Variants in THSD7B observed in about 807,000 individuals in gnomAD.
The protein encoded by THSD7B is thrombospondin type 1 domain containing 7B, also known as thrombospondin type-1 domain-containing protein 7B.
A neutral mutation model predicts 213.6 loss-of-function variants in THSD7B; 138 were observed. That is an observed-to-expected ratio of 0.65 (90% confidence interval 0.56 to 0.74). THSD7B has a LOEUF of 0.74. Ranked by LOEUF, THSD7B falls within the 30% of genes least tolerant of loss-of-function variation. The pLI is 0.00. For synonymous variants in THSD7B, 742 were observed against 687.0 expected, an observed-to-expected ratio of 1.08 and a Z score of -1.25; for missense variants, 1,931 against 1,991.5, an observed-to-expected ratio of 0.97 and a Z score of 0.58.
At chr2:136,816,866 C>T (rs1007292958) in intron 1 of THSD7B, among the ~76,000 whole-genome samples, 2 of 152,068 alleles carry the variant, frequency 1.3e-5, no homozygotes, top group Admixed American at 1.3e-4. Context: ...AATCTTTATT[C>T]CATTGTTTTC....
chr2:137,238,325 G>A (rs999057522), intron 9 of THSD7B, among the ~76,000 whole-genome samples: 2 of 152,050 alleles, frequency 1.3e-5, no homozygotes, highest in African/African-American at 4.8e-5. Flanking sequence ...CTCAAGTTGT[G>A]TTTTCATTCC....
At chr2:137,201,822 G>A (rs1416864262) in intron 7 of THSD7B, among the ~76,000 whole-genome samples, 1 of 152,134 alleles carries the variant, frequency 6.6e-6, no homozygotes, top group East Asian at 1.9e-4. Flanking sequence ...AGGTGGATGA[G>A]TAGCAGGATC....
intron 14 of THSD7B, among the ~76,000 whole-genome samples, chr2:137,449,158 C>T (rs890018767): frequency 6.6e-6 from 1 of 151,936 alleles, no homozygotes; most frequent in Non-Finnish European, 1.5e-5. Context: ...GAAAGGCAGG[C>T]TTGTGGAGAG....
intron 12 of THSD7B, among the ~76,000 whole-genome samples, chr2:137,334,976 T>C (rs116336580): frequency 6.6e-6 from 1 of 152,184 alleles, no homozygotes; most frequent in African/African-American, 2.4e-5. Context: ...CCTGCTGACC[T>C]GTCAAGAGGT....
chr2:137,325,939 G>A (rs1363266110), intron 12 of THSD7B, among the ~76,000 whole-genome samples: 1 of 152,192 alleles, frequency 6.6e-6, no homozygotes, highest in East Asian at 1.9e-4. Context: ...AAGGAAAAGA[G>A]ACATATCTTC....
At chr2:136,943,643 T>G (rs1684873855) in intron 2 of THSD7B, among the ~76,000 whole-genome samples, 1 of 152,250 alleles carries the variant, frequency 6.6e-6, no homozygotes, top group South Asian at 2.1e-4. Flanking sequence ...CATCCATTTC[T>G]TCTAGATTTC....
intron 12 of THSD7B, among the ~76,000 whole-genome samples, chr2:137,403,116 G>A (rs113908709): frequency 7.7e-4 from 117 of 152,104 alleles, no homozygotes; most frequent in African/African-American, 2.6e-3. Flanking sequence ...TCCCTGCGAC[G>A]TGGATAAAAA....
At chr2:137,002,532 CT>C (rs1165980598) in intron 2 of THSD7B, among the ~76,000 whole-genome samples, 2 of 152,112 alleles carry the variant, frequency 1.3e-5, no homozygotes, top group African/African-American at 4.8e-5. Context: ...GTAAGAGGCT[CT>C]TTTCCCCCTC....
At chr2:137,514,681 G>C (rs191559311) in intron 15 of THSD7B, among the ~76,000 whole-genome samples, 121 of 152,262 alleles carry the variant, frequency 7.9e-4, no homozygotes, top group African/African-American at 2.7e-3. Context: ...TGCTTAATAT[G>C]ATGAACCCAA....
chr2:137,185,607 T>C (rs942583238), intron 7 of THSD7B, among the ~76,000 whole-genome samples: 2 of 152,216 alleles, frequency 1.3e-5, no homozygotes, highest in African/African-American at 2.4e-5. Flanking sequence ...TATTCCATGA[T>C]GTATACATAC....
intron 2 of THSD7B, among the ~76,000 whole-genome samples, chr2:136,980,487 A>T (rs1685556272): frequency 1.3e-5 from 2 of 152,142 alleles, no homozygotes; most frequent in African/African-American, 4.8e-5. Flanking sequence ...CATGAGGAGG[A>T]GGAATAAATC....
At chr2:137,012,916 G>T (rs1686257603) in intron 2 of THSD7B, among the ~76,000 whole-genome samples, 1 of 152,146 alleles carries the variant, frequency 6.6e-6, no homozygotes, top group Admixed American at 6.5e-5. Context: ...AAACTACCTG[G>T]AGTATAGACT....
At position 137,382,497 on chromosome 2, in the gene THSD7B, T is replaced by C. The variant is rs567956653; in HGVS notation, c.2501-23116T>C. Among the ~76,000 whole-genome samples, 22 of 152,290 alleles carry C rather than the reference T, an allele frequency of 1.4e-4. No homozygotes were observed. In the South Asian group the frequency reaches 4.6e-3, roughly 32 times the overall value. On this transcript the variant is annotated intron_variant, in intron 12 of 27. Transcript: ENST00000409968. ...AACGCCAGTAGGTTTTTGGTCCCAA[T>C]GATGGAAGGGAGCTGAGCACCAGTA... is the stretch of plus-strand genomic sequence containing the variant.
chr2:137,269,331 G>T (rs1383509289), intron 10 of THSD7B, among the ~76,000 whole-genome samples: 1 of 152,122 alleles, frequency 6.6e-6, no homozygotes. Context: ...TATTTTACCT[G>T]CAGTCACACC....
intron 12 of THSD7B, among the ~76,000 whole-genome samples, chr2:137,389,823 G>C (rs980046525): frequency 6.6e-6 from 1 of 151,808 alleles, no homozygotes; most frequent in African/African-American, 2.4e-5. Flanking sequence ...TATTAAAAAG[G>C]GTTTCTTTTC....
chr2:137,412,991 A>G (rs9287473), intron 14 of THSD7B, among the ~76,000 whole-genome samples: 43,344 of 151,812 alleles, frequency 0.29, 6,870 homozygotes, highest in African/African-American at 0.42. Context: ...GTACTAATAA[A>G]CGTTCTCAGT....
intron 6 of THSD7B, among the ~76,000 whole-genome samples, chr2:137,170,507 C>T (rs1343131317): frequency 6.6e-6 from 1 of 152,110 alleles, no homozygotes; most frequent in Non-Finnish European, 1.5e-5. Context: ...CTGACTTCTC[C>T]AACTCCTAGG....
chr2:136,788,715 C>T (rs1243956373), intron 1 of THSD7B, among the ~76,000 whole-genome samples: 1 of 151,948 alleles, frequency 6.6e-6, no homozygotes, highest in Non-Finnish European at 1.5e-5. Context: ...GTTTTATGGC[C>T]CATTTTAAGC....
chr2:136,913,966 T>C (rs183117343), intron 2 of THSD7B, among the ~76,000 whole-genome samples: 103 of 152,220 alleles, frequency 6.8e-4, no homozygotes, highest in Middle Eastern at 6.8e-3. Flanking sequence ...GAATTGTAGA[T>C]CCACTGACAG....
Sources: gnomAD v4.1 joint callset for allele counts (sites outside exome capture counted in the v4.1 genomes callset) on GRCh38, gnomAD v4.1.1 for gene constraint, MANE v1.5 for transcripts, NCBI Gene and HGNC (gene_info 2026-07-23, HGNC 2026-07-21) for gene names.